The following AK9 variants were observed in gnomAD, a reference collection of about 807,000 sequenced individuals.
AK9 encodes adenylate kinase 9.
In AK9, 191 loss-of-function variants were observed where a neutral mutation model predicts 239.6. That is an observed-to-expected ratio of 0.80 (90% CI 0.71 to 0.90). The LOEUF (loss-of-function observed/expected upper bound fraction) is 0.90, where lower values mean the gene tolerates loss of function less well. Ranked by LOEUF, AK9 falls within the 40% of genes least tolerant of loss-of-function variation. The pLI, the probability that AK9 is intolerant of heterozygous loss-of-function variation, is 0.00. For synonymous variants in AK9, 689 were observed against 721.0 expected, an observed-to-expected ratio of 0.96 and a Z score of 0.71; for missense variants, 1,995 against 2,214.7, an observed-to-expected ratio of 0.90 and a Z score of 1.99.
Position 109,570,749 on chromosome 6 carries a change from T to C in AK9, c.2344+2693A>G, listed in dbSNP as rs144449140. On this transcript the variant is annotated intron_variant, in intron 21 of 40. Transcript: ENST00000424296. Reference sequence around the variant, plus strand: ...ACAATAGTTATCTGACCAAAAATAATAAATGATCCTGAAAAAGGAATCTGA... The same window carrying C: ...ACAATAGTTATCTGACCAAAAATAACAAATGATCCTGAAAAAGGAATCTGA... Among the ~76,000 whole-genome samples the C allele has an allele frequency of 1.5e-4, 23 of 152,128 alleles. No homozygotes were observed. In the East Asian group the frequency reaches 4.4e-3, roughly 29 times the overall value.
chr6:109,604,812 AT>A (rs1329878586), intron 17 of AK9, among the ~76,000 whole-genome samples: 1 of 152,206 alleles, frequency 6.6e-6, no homozygotes, highest in African/African-American at 2.4e-5. Flanking sequence ...TTATCTTTAC[AT>A]TTAAGAATTT....
chr6:109,513,536 C>T (rs1031580468), intron 32 of AK9, among the ~76,000 whole-genome samples: 9 of 152,076 alleles, frequency 5.9e-5, no homozygotes, highest in African/African-American at 9.7e-5. Context: ...GCCTTCTCTT[C>T]GATGGTTATT....
intron 1 of AK9, among the ~76,000 whole-genome samples, chr6:109,679,672 A>T (rs1583558912): frequency 6.6e-6 from 1 of 152,166 alleles, no homozygotes; most frequent in South Asian, 2.1e-4. Context: ...GACACCTCCC[A>T]GCAGGGGCCG....
intron 27 of AK9, among the ~76,000 whole-genome samples, chr6:109,538,818 A>T (rs934764007): frequency 3.9e-5 from 6 of 152,222 alleles, no homozygotes; most frequent in South Asian, 2.1e-4. Context: ...AAAATCTCTC[A>T]GCATTTGCTT....
intron 17 of AK9, among the ~76,000 whole-genome samples, chr6:109,588,972 A>T (rs1789874627): frequency 6.6e-6 from 1 of 152,186 alleles, no homozygotes; most frequent in African/African-American, 2.4e-5. Flanking sequence ...TGTTTTGGTT[A>T]CTATAGCCTT....
At chr6:109,661,477 T>A (rs1289523862) in intron 6 of AK9, among the ~76,000 whole-genome samples, 1 of 152,228 alleles carries the variant, frequency 6.6e-6, no homozygotes, top group African/African-American at 2.4e-5. Flanking sequence ...CTGTGTGCTC[T>A]CTCTCAATTA....
chr6:109,498,171 G>C (rs941444297), intron 36 of AK9, among the ~76,000 whole-genome samples: 5 of 152,172 alleles, frequency 3.3e-5, no homozygotes, highest in African/African-American at 1.2e-4. Context: ...CCTCATCTCA[G>C]TCACTCATTC....
At chr6:109,531,543 T>C (rs1173224299) in intron 28 of AK9, among the ~76,000 whole-genome samples, 1 of 152,082 alleles carries the variant, frequency 6.6e-6, no homozygotes, top group African/African-American at 2.4e-5. Flanking sequence ...TTAAACAAAA[T>C]TAAACATTTG....
chr6:109,558,215 A>T (rs537685105), intron 24 of AK9, among the ~76,000 whole-genome samples: 13 of 152,040 alleles, frequency 8.6e-5, no homozygotes, highest in South Asian at 4.1e-4. Flanking sequence ...TGTTTTTTTT[A>T]AAATAGTTTA....
chr6:109,511,696 T>A (rs9386809), intron 32 of AK9, among the ~76,000 whole-genome samples: 38,291 of 152,062 alleles, frequency 0.25, 4,880 homozygotes, highest in East Asian at 0.42. Flanking sequence ...GGGACCACCA[T>A]CAGGACCACC....
chr6:109,566,877 C>T (rs1439157245), intron 21 of AK9, among the ~76,000 whole-genome samples: 1 of 152,142 alleles, frequency 6.6e-6, no homozygotes, highest in East Asian at 1.9e-4. Context: ...TTCTTTGAAA[C>T]CAATGAGAAC....
chr6:109,516,644 T>C lies in AK9; in HGVS notation c.3634-2A>G. The C allele has an allele frequency of 6.5e-7, 1 of 1,546,156 alleles. No homozygotes were observed. Among genetic ancestry groups the C allele is most frequent in the South Asian group, 1.2e-5 (1 of 83,960 alleles). On this transcript the variant is annotated splice_acceptor_variant, in intron 29 of 40. Coordinates refer to ENST00000424296, the MANE Select transcript of AK9 (RefSeq NM_001145128.3). LOFTEE classifies it high-confidence loss of function. ...CTCTTCATCATCTCTAACAACATTC[T>C]AAGGAAGAAAATATTCCCTTTTACT... is the stretch of plus-strand genomic sequence containing the variant.
intron 5 of AK9, among the ~76,000 whole-genome samples, chr6:109,669,051 T>C (rs896780221): frequency 6.7e-6 from 1 of 149,834 alleles, no homozygotes; most frequent in Non-Finnish European, 1.5e-5. Context: ...TTCCATTTGT[T>C]TGTGTCCTCT....
rs528731904 is a variant in AK9 at position 109,517,177 on chromosome 6, A to G, written c.3634-535T>C. On this transcript the variant is annotated intron_variant, in intron 29 of 40. Coordinates refer to ENST00000424296, the MANE Select transcript of AK9 (RefSeq NM_001145128.3). ...TTTCAAAGGGTCTGTGGTTTCTTTCAGTTTTCCTGTTAAGTTCCTGTGTTG... is the reference window on the plus strand; with the variant it reads ...TTTCAAAGGGTCTGTGGTTTCTTTCGGTTTTCCTGTTAAGTTCCTGTGTTG... Among the ~76,000 whole-genome samples the G allele has an allele frequency of 2.6e-5, 4 of 152,192 alleles. No individual in the cohort carries two copies. The South Asian group carries it at 8.3e-4, about 32-fold the overall frequency.
intron 1 of AK9, among the ~76,000 whole-genome samples, chr6:109,680,222 A>C (rs1772412216): frequency 6.6e-6 from 1 of 152,206 alleles, no homozygotes; most frequent in Non-Finnish European, 1.5e-5. Context: ...GGTTAGATGA[A>C]TTGCTAACTA....
rs528205883 is a variant in AK9, at chr6:109,616,408, T to A, written c.1400-1928A>T. 2.0e-5 allele frequency among the ~76,000 whole-genome samples: 3 copies of A among 152,202 alleles called. No homozygotes were observed. In the South Asian group the frequency reaches 6.2e-4, roughly 32 times the overall value. ...TAATTTTCATTTTTTTTTCTTTCTT[T>A]TTTTTTTGACACAGGTTGGAGTGTG... On this transcript the variant is annotated intron_variant, in intron 13 of 40. Coordinates refer to ENST00000424296, the MANE Select transcript of AK9 (RefSeq NM_001145128.3).
At chr6:109,685,879 C>G (rs1773438975) in intron 1 of AK9, among the ~76,000 whole-genome samples, 2 of 152,284 alleles carry the variant, frequency 1.3e-5, no homozygotes, top group Middle Eastern at 3.4e-3. Context: ...GCTTATTTCT[C>G]CAGTCTTGCT....
chr6:109,598,546 G>A (rs1489727595), intron 17 of AK9, among the ~76,000 whole-genome samples: 1 of 152,116 alleles, frequency 6.6e-6, no homozygotes, highest in Non-Finnish European at 1.5e-5. Context: ...GTGTGCATGT[G>A]TCTTTATAGC....
chr6:109,660,660 G>A (rs914611812), intron 6 of AK9, among the ~76,000 whole-genome samples: 4 of 152,128 alleles, frequency 2.6e-5, no homozygotes, highest in African/African-American at 9.7e-5. Context: ...CCTTGACAAG[G>A]ACTATCTCCT....
Sources: gnomAD v4.1 joint callset for allele counts (sites outside exome capture counted in the v4.1 genomes callset) on GRCh38, gnomAD v4.1.1 for gene constraint, MANE v1.5 for transcripts, NCBI Gene and HGNC (gene_info 2026-07-23, HGNC 2026-07-21) for gene names.